Variants in IGF2BP2 observed in about 807,000 individuals in gnomAD.
IGF2BP2 encodes the protein insulin like growth factor 2 mRNA binding protein 2.
In IGF2BP2, 17 loss-of-function variants were observed where a neutral mutation model predicts 75.8. The ratio of observed to expected loss-of-function variants is 0.22; its 90% CI spans 0.15 to 0.34. The LOEUF (loss-of-function observed/expected upper bound fraction) is 0.34. IGF2BP2 is among the 10% of genes least tolerant of loss of function. The pLI is 1.00. For synonymous variants in IGF2BP2, 288 were observed against 295.6 expected (o/e 0.97, Z 0.26); for missense variants, 516 against 772.4 (o/e 0.67, Z 3.93).
intron 2 of IGF2BP2, among the ~76,000 whole-genome samples, chr3:185,786,084 T>A (rs7628657): frequency 0.21 from 17,994 of 86,334 alleles, 2,128 homozygotes; most frequent in African/African-American, 0.52. Flanking sequence ...CTAATTAAAC[T>A]TTTTTTTTTT....
At chr3:185,750,553 G>A (rs1730828811) in intron 2 of IGF2BP2, among the ~76,000 whole-genome samples, 1 of 152,098 alleles carries the variant, frequency 6.6e-6, no homozygotes, top group Admixed American at 6.5e-5. Context: ...TCCTTGCTAA[G>A]GACTTCTACA....
At chr3:185,745,241 C>T (rs953271002) in intron 2 of IGF2BP2, among the ~76,000 whole-genome samples, 1 of 152,144 alleles carries the variant, frequency 6.6e-6, no homozygotes, top group African/African-American at 2.4e-5. Context: ...GAGGAATGGT[C>T]GACCAAGTTC....
In IGF2BP2 at chr3:185,649,493, G is replaced by A. The variant is rs1265983618; in HGVS notation, c.1503C>T (p.Phe501=). 6.2e-7 allele frequency: 1 copy of A among 1,614,188 alleles called. No homozygotes were observed. The highest frequency in any genetic ancestry group is 1.7e-5 in the Admixed American group (1 of 60,026). ...RIFGKLKEEN[F]FNPKEEVKLE... is the part of the protein sequence containing the mutation. Reference sequence around the variant, plus strand: ...GCTTCACTTCTTCTTTGGGGTTAAAGAAGTTTTCCTCTTTCAGTTTCCCAA... The same window carrying A: ...GCTTCACTTCTTCTTTGGGGTTAAAAAAGTTTTCCTCTTTCAGTTTCCCAA... Residue 501 remains phenylalanine, a synonymous_variant, in exon 14 of 16, where the codon TTC becomes TTT. Transcript: ENST00000382199.
intron 2 of IGF2BP2, among the ~76,000 whole-genome samples, chr3:185,698,607 C>T (rs11919090): frequency 0.4 from 61,010 of 151,428 alleles, 12,491 homozygotes; most frequent in South Asian, 0.48. Flanking sequence ...CAGGTTCAAG[C>T]GATTCTCCTG....
intron 10 of IGF2BP2, among the ~76,000 whole-genome samples, chr3:185,658,624 T>C (rs1396947283): frequency 2.0e-5 from 3 of 152,224 alleles, no homozygotes; most frequent in East Asian, 3.8e-4. Context: ...CTGGTTGCAG[T>C]AGCTCTCTGG....
At chr3:185,733,309 A>C (rs1728430799) in intron 2 of IGF2BP2, among the ~76,000 whole-genome samples, 1 of 152,212 alleles carries the variant, frequency 6.6e-6, no homozygotes, top group Non-Finnish European at 1.5e-5. Flanking sequence ...GGTGCTCCAC[A>C]GTCAAAGGGA....
chr3:185,707,302 T>G (rs890647345), intron 2 of IGF2BP2, among the ~76,000 whole-genome samples: 1 of 120,306 alleles, frequency 8.3e-6, no homozygotes, highest in African/African-American at 3.2e-5. Flanking sequence ...GGGCTTTTTT[T>G]TTTTTTTTTT....
chr3:185,798,326 A>C (rs1294466733), intron 2 of IGF2BP2, among the ~76,000 whole-genome samples: 1 of 152,192 alleles, frequency 6.6e-6, no homozygotes, highest in Non-Finnish European at 1.5e-5. Flanking sequence ...TCTACAGTGG[A>C]AAAAGGCATC....
At chr3:185,733,213 C>A (rs1054835518) in intron 2 of IGF2BP2, among the ~76,000 whole-genome samples, 1 of 152,142 alleles carries the variant, frequency 6.6e-6, no homozygotes, top group Non-Finnish European at 1.5e-5. Context: ...TAAAGAGGAA[C>A]CTGAGAAAAT....
chr3:185,683,622 C>T (rs1241232926), intron 7 of IGF2BP2, among the ~76,000 whole-genome samples: 1 of 152,032 alleles, frequency 6.6e-6, no homozygotes, highest in Non-Finnish European at 1.5e-5. Context: ...TTGGCCAGGC[C>T]AATCTCAAAC....
chr3:185,687,022 C>G, intron 7 of IGF2BP2, 35 bp downstream of exon 7: 1 of 1,597,320 alleles, frequency 6.3e-7, no homozygotes. Flanking sequence ...CTCTTTTTCT[C>G]TGTTGAGTGA....
chr3:185,706,999 C>G (rs1437574011), intron 2 of IGF2BP2, among the ~76,000 whole-genome samples: 1 of 152,102 alleles, frequency 6.6e-6, no homozygotes, highest in Non-Finnish European at 1.5e-5. Context: ...GCCTCAGTCT[C>G]CCAAGGTGCT....
At chr3:185,687,751 T>C (rs1721348599) in intron 6 of IGF2BP2, among the ~76,000 whole-genome samples, 2 of 152,234 alleles carry the variant, frequency 1.3e-5, no homozygotes, top group African/African-American at 4.8e-5. Flanking sequence ...TTGATGACTT[T>C]ATCAGACTTC....
rs1719158989 is a variant in IGF2BP2 at position 185,675,295 on chromosome 3, C to T, written c.1071+1G>A. Reference sequence around the variant, plus strand: ...CGGAGAAGAAAGCATTAGGGACTTACGTTAACAGCCAGCATATCATTTTCA... The same window carrying T: ...CGGAGAAGAAAGCATTAGGGACTTATGTTAACAGCCAGCATATCATTTTCA... On this transcript the variant is annotated splice_donor_variant, in intron 9 of 15. Coordinates refer to ENST00000382199, the MANE Select transcript of IGF2BP2 (RefSeq NM_006548.6). LOFTEE classifies it high-confidence loss of function. 2 of 1,603,408 alleles carry T rather than the reference C, an allele frequency of 1.2e-6. No homozygotes were observed. Among genetic ancestry groups the T allele is most frequent in the Admixed American group, 1.8e-5 (1 of 57,058 alleles).
Position 185,692,704 on chromosome 3 carries a change from T to C in IGF2BP2, c.399A>G (p.Ala133=). Residue 133 remains alanine (A), a synonymous_variant, in exon 5 of 16, where the codon GCA becomes GCG. Coordinates refer to ENST00000382199, the MANE Select transcript of IGF2BP2 (RefSeq NM_006548.6). ...VNVTYATREE[A]KIAMEKLSGH... ...ATAAGCCCAAATCTGCTTACATTTT[T>C]GCTTCTTCTCTTGTTGCATATGTGA... 6.2e-7 allele frequency: 1 copy of C among 1,613,064 alleles called. No homozygotes were observed. Among genetic ancestry groups the C allele is most frequent in the Non-Finnish European group, 8.5e-7 (1 of 1,179,298 alleles).
At chr3:185,727,944 T>C (rs1255248860) in intron 2 of IGF2BP2, among the ~76,000 whole-genome samples, 1 of 152,186 alleles carries the variant, frequency 6.6e-6, no homozygotes, top group Non-Finnish European at 1.5e-5. Context: ...TTCTTTTCTG[T>C]ATACTGCACT....
intron 2 of IGF2BP2, among the ~76,000 whole-genome samples, chr3:185,806,059 C>T (rs535544278): frequency 1.1e-4 from 17 of 152,256 alleles, no homozygotes; most frequent in Non-Finnish European, 2.5e-4. Flanking sequence ...CCGCCTCAGC[C>T]TCCCAGAGTG....
intron 2 of IGF2BP2, among the ~76,000 whole-genome samples, chr3:185,752,943 T>C (rs1438261740): frequency 1.3e-5 from 2 of 152,154 alleles, no homozygotes; most frequent in South Asian, 2.1e-4. Flanking sequence ...AAGTAAGACA[T>C]ACAAATTATT....
chr3:185,754,825 T>C (rs1335768073), intron 2 of IGF2BP2, among the ~76,000 whole-genome samples: 1 of 152,170 alleles, frequency 6.6e-6, no homozygotes, highest in Non-Finnish European at 1.5e-5. Flanking sequence ...GGGTATCTGG[T>C]GGAAGAAATT....
Sources: gnomAD v4.1 joint callset for allele counts (sites outside exome capture counted in the v4.1 genomes callset) on GRCh38, gnomAD v4.1.1 for gene constraint, MANE v1.5 for transcripts, NCBI Gene and HGNC (gene_info 2026-07-23, HGNC 2026-07-21) for gene names.